CTNND2: variants seen among roughly 807,000 people sequenced by gnomAD.
The protein encoded by CTNND2 is catenin delta-2.
In CTNND2, 22 loss-of-function variants were observed where a neutral mutation model predicts 144.4. The ratio of observed to expected loss-of-function variants is 0.15; its 90% CI spans 0.11 to 0.22. The LOEUF (loss-of-function observed/expected upper bound fraction) is 0.22, where lower values mean the gene tolerates loss of function less well. CTNND2 is among the 10% of genes least tolerant of loss of function. The pLI is 1.00. For missense variants in CTNND2, 1,353 were observed against 1,618.8 expected, an observed-to-expected ratio of 0.84 and a Z score of 2.82; for synonymous variants, 751 against 695.6, an observed-to-expected ratio of 1.08 and a Z score of -1.25.
At chr5:11,004,362 G>T (rs1740257725) in intron 18 of CTNND2, among the ~76,000 whole-genome samples, 1 of 152,206 alleles carries the variant, frequency 6.6e-6, no homozygotes, top group African/African-American at 2.4e-5. Flanking sequence ...TGTCATTTGA[G>T]CATTTGAACA....
At chr5:11,090,806 C>CT (rs11415309) in intron 15 of CTNND2, among the ~76,000 whole-genome samples, 22,152 of 147,524 alleles carry the variant, frequency 0.15, 1,992 homozygotes, top group African/African-American at 0.27. Flanking sequence ...CCTTTTTTTT[C>CT]TTTTTTTTTT....
intron 3 of CTNND2, among the ~76,000 whole-genome samples, chr5:11,483,896 T>C (rs1191557815): frequency 6.6e-6 from 1 of 152,066 alleles, no homozygotes. Context: ...TGCCAGGCAG[T>C]CCCAAGGGAT....
At chr5:11,059,001 T>C (rs1746635120) in intron 16 of CTNND2, among the ~76,000 whole-genome samples, 1 of 152,224 alleles carries the variant, frequency 6.6e-6, no homozygotes, top group Admixed American at 6.5e-5. Flanking sequence ...CCATTGTATC[T>C]AGGAAGTAAC....
intron 1 of CTNND2, among the ~76,000 whole-genome samples, chr5:11,865,112 C>A (rs568174788): frequency 6.6e-6 from 1 of 152,096 alleles, no homozygotes; most frequent in Non-Finnish European, 1.5e-5. Context: ...TCAGGCTGGT[C>A]TCAAACTCCC....
At chr5:11,890,001 A>T (rs1227977620) in intron 1 of CTNND2, among the ~76,000 whole-genome samples, 1 of 152,190 alleles carries the variant, frequency 6.6e-6, no homozygotes, top group East Asian at 1.9e-4. Context: ...GAAAAATATA[A>T]ATTCACTTTG....
At chr5:11,623,575 G>A (rs1466688034) in intron 2 of CTNND2, among the ~76,000 whole-genome samples, 4 of 151,370 alleles carry the variant, frequency 2.6e-5, no homozygotes, top group Non-Finnish European at 4.4e-5. Flanking sequence ...TGTGAAAATG[G>A]ACTAATACAC....
chr5:11,399,288 TACA>T (rs1299871471), intron 5 of CTNND2, among the ~76,000 whole-genome samples: 5 of 152,194 alleles, frequency 3.3e-5, no homozygotes, highest in Admixed American at 1.3e-4. Flanking sequence ...TTAAAGCAGA[TACA>T]ACGACAGTGC....
chr5:11,898,666 T>C (rs1267699575), intron 1 of CTNND2, among the ~76,000 whole-genome samples: 1 of 152,168 alleles, frequency 6.6e-6, no homozygotes. Flanking sequence ...TTTAACCAAA[T>C]ATAATTGGCT....
chr5:11,486,011 A>T (rs1038830271), intron 3 of CTNND2, among the ~76,000 whole-genome samples: 3 of 152,210 alleles, frequency 2.0e-5, no homozygotes, highest in Admixed American at 1.3e-4. Flanking sequence ...AACATGGTAT[A>T]AGAAGCCCTA....
At chr5:11,477,238 A>G (rs953329478) in intron 3 of CTNND2, among the ~76,000 whole-genome samples, 1 of 152,174 alleles carries the variant, frequency 6.6e-6, no homozygotes, top group Non-Finnish European at 1.5e-5. Flanking sequence ...TCAATTTTAC[A>G]TGGCCTATTC....
chr5:11,072,053 C>T (rs907904246), intron 16 of CTNND2, among the ~76,000 whole-genome samples: 2 of 152,196 alleles, frequency 1.3e-5, no homozygotes, highest in African/African-American at 4.8e-5. Context: ...CTCCCATAGA[C>T]ACTGGGGGTA....
chr5:11,129,799 T>C (rs1755379049), intron 12 of CTNND2, among the ~76,000 whole-genome samples: 1 of 152,138 alleles, frequency 6.6e-6, no homozygotes, highest in Admixed American at 6.6e-5. Context: ...AGCCTCGTTA[T>C]TTTAAATGAA....
intron 3 of CTNND2, among the ~76,000 whole-genome samples, chr5:11,561,397 A>G (rs1326564971): frequency 6.6e-6 from 1 of 152,240 alleles, no homozygotes; most frequent in Admixed American, 6.5e-5. Flanking sequence ...GGTACAAAGT[A>G]AACCTTTAGC....
intron 13 of CTNND2, among the ~76,000 whole-genome samples, chr5:11,111,489 G>A (rs1752978453): frequency 1.3e-5 from 2 of 152,164 alleles, no homozygotes; most frequent in African/African-American, 4.8e-5. Flanking sequence ...AGCATTTTCC[G>A]AGTGTCAAGG....
chr5:11,429,999 C>T (rs1763136143), intron 3 of CTNND2, among the ~76,000 whole-genome samples: 1 of 151,968 alleles, frequency 6.6e-6, no homozygotes, highest in South Asian at 2.1e-4. Flanking sequence ...TGCCTGTAAT[C>T]CCAGCCTTTT....
At chr5:11,506,730 G>A (rs1300320589) in intron 3 of CTNND2, among the ~76,000 whole-genome samples, 2 of 152,122 alleles carry the variant, frequency 1.3e-5, no homozygotes, top group East Asian at 1.9e-4. Context: ...GGCATGCCCA[G>A]GGCTTGGCAA....
intron 18 of CTNND2, among the ~76,000 whole-genome samples, chr5:10,993,253 C>G (rs1332415171): frequency 6.6e-6 from 1 of 152,166 alleles, no homozygotes; most frequent in Non-Finnish European, 1.5e-5. Flanking sequence ...ATGCATCCTA[C>G]CAAGCCTCCG....
chr5:11,444,137 A>G (rs1028398530), intron 3 of CTNND2, among the ~76,000 whole-genome samples: 4 of 152,334 alleles, frequency 2.6e-5, no homozygotes, highest in Non-Finnish European at 5.9e-5. Flanking sequence ...GACACTTAGA[A>G]GTAAGTAACA....
chr5:11,115,864 G>T (rs61753327), intron 13 of CTNND2, among the ~76,000 whole-genome samples: 211 of 152,258 alleles, frequency 1.4e-3, no homozygotes, highest in African/African-American at 4.5e-3. Flanking sequence ...AAATTTCTTG[G>T]TAACCCTAAT....
Sources: gnomAD v4.1 joint callset for allele counts (sites outside exome capture counted in the v4.1 genomes callset) on GRCh38, gnomAD v4.1.1 for gene constraint, MANE v1.5 for transcripts, NCBI Gene and HGNC (gene_info 2026-07-23, HGNC 2026-07-21) for gene names.